SYNE1: variants seen among roughly 807,000 people sequenced by gnomAD.
The protein encoded by SYNE1 is spectrin repeat containing nuclear envelope protein 1.
Under a neutral mutation model 1,111.0 loss-of-function variants are expected in SYNE1, and 616 were observed. The observed-to-expected ratio is 0.55, with a 90% confidence interval of 0.52 to 0.59. The LOEUF (loss-of-function observed/expected upper bound fraction) is 0.59. Ranked by LOEUF, SYNE1 falls within the 20% of genes least tolerant of loss-of-function variation. SYNE1 has a pLI of 0.00. For synonymous variants in SYNE1, 3,855 were observed against 3,825.8 expected (o/e 1.01, Z -0.28); for missense variants, 10,006 against 10,417.0 (o/e 0.96, Z 1.72).
At position 152,132,248 on chromosome 6, in the gene SYNE1, T is replaced by C. The variant is rs763370848; in HGVS notation, c.26002-34A>G. ...GAGAAAGATTCTTTTAACAACTCCATGTCCCAGACCCATGGGGGCCCTCTG... is the reference window on the plus strand; with the variant it reads ...GAGAAAGATTCTTTTAACAACTCCACGTCCCAGACCCATGGGGGCCCTCTG... On this transcript the variant is annotated intron_variant, in intron 143 of 145. Transcript: ENST00000367255. The C allele has an allele frequency of 5.0e-6, 8 of 1,596,228 alleles. No homozygotes were observed. In the Admixed American group the frequency reaches 6.7e-5, roughly 13 times the overall value.
At chr6:152,596,911 G>T (rs1283776305) in intron 3 of SYNE1, among the ~76,000 whole-genome samples, 1 of 152,130 alleles carries the variant, frequency 6.6e-6, no homozygotes, top group Admixed American at 6.5e-5. Context: ...ACAGACAAAG[G>T]CACAAGCAAA....
chr6:152,574,885 G>T (rs1246529609), intron 3 of SYNE1, among the ~76,000 whole-genome samples: 1 of 151,812 alleles, frequency 6.6e-6, no homozygotes, highest in Non-Finnish European at 1.5e-5. Context: ...GCTGTTTTTG[G>T]TTTGTTTTTT....
At chr6:152,433,990 G>C (rs1416907063) in intron 33 of SYNE1, 45 bp from the exon 34 acceptor site, 3 of 1,503,724 alleles carry the variant, frequency 2.0e-6, no homozygotes, top group Non-Finnish European at 2.7e-6. Flanking sequence ...TATTTTAATA[G>C]AGAACAACAA....
chr6:152,294,221 C>T, intron 93 of SYNE1, 94 bp from the exon 94 acceptor site: 1 of 1,121,546 alleles, frequency 8.9e-7, no homozygotes, highest in Admixed American at 2.6e-5. Flanking sequence ...GGAAAGGTTT[C>T]AGATCTACAC....
intron 3 of SYNE1, among the ~76,000 whole-genome samples, chr6:152,594,635 C>T (rs1282619303): frequency 6.6e-6 from 1 of 152,100 alleles, no homozygotes; most frequent in Non-Finnish European, 1.5e-5. Flanking sequence ...CGTAAACTAT[C>T]TAAAAACAAT....
At chr6:152,213,868 C>G in intron 122 of SYNE1, 109 bp from the exon 123 acceptor site, 3 of 1,481,158 alleles carry the variant, frequency 2.0e-6, no homozygotes, top group Non-Finnish European at 2.8e-6. Flanking sequence ...AATTGAACCA[C>G]CACAAAGCTT....
chr6:152,314,683 A>G (rs1322273759), intron 87 of SYNE1, among the ~76,000 whole-genome samples: 3 of 152,068 alleles, frequency 2.0e-5, no homozygotes, highest in Non-Finnish European at 4.4e-5. Flanking sequence ...GAATAAATAA[A>G]CAAACGCTTG....
rs2080925377 is a variant in SYNE1 at position 152,224,220 on chromosome 6, C to G, written c.21522+274G>C. ...AATGAATCAAGGAGGTTCAGTTGGG[C>G]ATAAAATCATTGTATAAAAGACGAT... is the stretch of plus-strand genomic sequence containing the variant. On this transcript the variant is annotated intron_variant, in intron 117 of 145. Coordinates refer to ENST00000367255, the MANE Select transcript of SYNE1 (RefSeq NM_182961.4). 2.0e-5 allele frequency among the ~76,000 whole-genome samples: 3 copies of G among 152,180 alleles called. No individual in the cohort carries two copies. In the South Asian group the frequency reaches 6.2e-4, roughly 32 times the overall value.
At chr6:152,562,487 A>G (rs1463456014) in intron 3 of SYNE1, among the ~76,000 whole-genome samples, 1 of 152,204 alleles carries the variant, frequency 6.6e-6, no homozygotes, top group Non-Finnish European at 1.5e-5. Context: ...AACAGTATGA[A>G]GATTTCTCAA....
chr6:152,215,631 CA>C (rs1214702469), intron 121 of SYNE1, among the ~76,000 whole-genome samples: 5 of 152,166 alleles, frequency 3.3e-5, no homozygotes, highest in Non-Finnish European at 7.4e-5. Context: ...TCACAACTAA[CA>C]AAAGTTATAA....
At chr6:152,426,547 C>G (rs62426961) in intron 38 of SYNE1, among the ~76,000 whole-genome samples, 4 of 152,242 alleles carry the variant, frequency 2.6e-5, no homozygotes, top group African/African-American at 9.6e-5. Context: ...TTAGTTTCCA[C>G]GTGGAGATGG....
chr6:152,435,582 T>A (rs1304022821), intron 33 of SYNE1: 1 of 262,194 alleles, frequency 3.8e-6, no homozygotes. Context: ...TATCTCCTTT[T>A]CGCTCTAAAT....
intron 29 of SYNE1, among the ~76,000 whole-genome samples, chr6:152,445,531 C>T (rs2098577023): frequency 6.6e-6 from 1 of 151,996 alleles, no homozygotes; most frequent in Admixed American, 6.6e-5. Context: ...CCAGTTTCTT[C>T]TTCTTTTATC....
intron 48 of SYNE1, 48 bp downstream of exon 48, chr6:152,399,568 T>C (rs751684155): frequency 6.2e-7 from 1 of 1,608,220 alleles, no homozygotes; most frequent in South Asian, 1.1e-5. Flanking sequence ...TTGGTTTGGA[T>C]TCTTTCTCGG....
intron 83 of SYNE1, 95 bp from the exon 84 acceptor site, chr6:152,321,485 G>C: frequency 6.9e-7 from 1 of 1,447,716 alleles, no homozygotes; most frequent in Non-Finnish European, 9.4e-7. Flanking sequence ...ATAATTAAGT[G>C]TGGAATTAGA....
chr6:152,334,103 T>C lies in SYNE1; in HGVS notation c.12699A>G (p.Glu4233=), dbSNP rs956773112. The C allele has an allele frequency of 6.2e-7, 1 of 1,614,212 alleles. No homozygotes were observed. ...RQSNNLCLQR[E]EDLQRTRDYH... Reference sequence around the variant, plus strand: ...AATCTCTTGTTCTCTGAAGATCCTCTTCCCTTTGCAAGCACAGGTTGTTAG... The same window carrying C: ...AATCTCTTGTTCTCTGAAGATCCTCCTCCCTTTGCAAGCACAGGTTGTTAG... The change falls in exon 77 of 146, where the codon GAA becomes GAG. Residue 4233 remains glutamate, a synonymous_variant. Transcript: ENST00000367255.
At chr6:152,440,831 G>T (rs2098522858) in intron 32 of SYNE1, among the ~76,000 whole-genome samples, 2 of 151,986 alleles carry the variant, frequency 1.3e-5, no homozygotes, top group Admixed American at 6.5e-5. Context: ...CTCCCAAAAT[G>T]CTGGGATTAC....
At chr6:152,437,111 G>A (rs1013257169) in intron 32 of SYNE1, among the ~76,000 whole-genome samples, 3 of 151,976 alleles carry the variant, frequency 2.0e-5, no homozygotes, top group Non-Finnish European at 2.9e-5. Context: ...GCATAATGGC[G>A]CCACTACATT....
At chr6:152,341,307 T>C (rs1036660810) in intron 74 of SYNE1, among the ~76,000 whole-genome samples, 1 of 152,200 alleles carries the variant, frequency 6.6e-6, no homozygotes, top group African/African-American at 2.4e-5. Flanking sequence ...GAATTTGTAT[T>C]TTATGAACAT....
Sources: gnomAD v4.1 joint callset for allele counts (sites outside exome capture counted in the v4.1 genomes callset) on GRCh38, gnomAD v4.1.1 for gene constraint, MANE v1.5 for transcripts, NCBI Gene and HGNC (gene_info 2026-07-23, HGNC 2026-07-21) for gene names.